Variants in IDO2 observed in about 807,000 individuals in gnomAD.
The protein encoded by IDO2 is indoleamine 2,3-dioxygenase-like 1 protein.
Under a neutral mutation model 45.1 loss-of-function variants are expected in IDO2, and 46 were observed. The ratio of observed to expected loss-of-function variants is 1.02; its 90% CI spans 0.80 to 1.30. The LOEUF is 1.30. IDO2 is among the 50% of genes most tolerant of loss of function. IDO2 has a pLI of 0.00. For synonymous variants in IDO2, 218 were observed against 184.9 expected (o/e 1.18, Z -1.45); for missense variants, 544 against 491.8 (o/e 1.11, Z -1.00).
intron 8 of IDO2, among the ~76,000 whole-genome samples, chr8:40,001,044 G>C (rs1802127472): frequency 6.6e-6 from 1 of 151,970 alleles, no homozygotes; most frequent in Admixed American, 6.6e-5. Flanking sequence ...GCCCAGGCTG[G>C]TCTTGAACTC....
At chr8:40,015,746 T>C in exon 11 of IDO2, 1 of 640,382 alleles carries the variant, frequency 1.6e-6, no homozygotes, top group African/African-American at 1.8e-5. Flanking sequence ...TATATTCTCC[T>C]TGTTGAGAGC....
chr8:40,015,689 TC>T, exon 11 of IDO2: 1 of 924,582 alleles, frequency 1.1e-6, no homozygotes, highest in Non-Finnish European at 1.7e-6. Flanking sequence ...CCTGGGATCA[TC>T]CAGGAAGGAT....
intron 2 of IDO2, among the ~76,000 whole-genome samples, chr8:39,960,306 G>T (rs1807972066): frequency 6.8e-6 from 1 of 146,966 alleles, no homozygotes; most frequent in Non-Finnish European, 1.5e-5. Context: ...CATAAAAAGT[G>T]AACTCCTTTA....
chr8:40,009,041 G>A (rs560701084), intron 9 of IDO2, among the ~76,000 whole-genome samples: 2 of 151,868 alleles, frequency 1.3e-5, no homozygotes, highest in Non-Finnish European at 1.5e-5. Flanking sequence ...TTAGATGGAG[G>A]TCTCGCTTTG....
At chr8:39,979,020 C>T (rs1182193256) in intron 3 of IDO2, 47 bp from the exon 4 acceptor site, 1 of 1,550,088 alleles carries the variant, frequency 6.5e-7, no homozygotes, top group Non-Finnish European at 8.7e-7. Flanking sequence ...CCTCCCCTGT[C>T]CCGGTTCCCA....
chr8:39,999,332 T>G (rs1433120769), intron 8 of IDO2, among the ~76,000 whole-genome samples: 1 of 141,450 alleles, frequency 7.1e-6, no homozygotes, highest in Non-Finnish European at 1.5e-5. Context: ...CAGGCTGGAG[T>G]GCAGTGGTGC....
chr8:39,947,912 C>T (rs535911363), intron 1 of IDO2, among the ~76,000 whole-genome samples: 9 of 152,092 alleles, frequency 5.9e-5, no homozygotes, highest in African/African-American at 1.2e-4. Context: ...CTCAGCCTCC[C>T]GAGTAGCTGG....
chr8:39,991,760 G>C (rs933506637), intron 8 of IDO2, among the ~76,000 whole-genome samples: 2 of 152,128 alleles, frequency 1.3e-5, no homozygotes, highest in Admixed American at 1.3e-4. Context: ...TAGTAGAGAT[G>C]GGGTTTCGCC....
chr8:39,994,456 C>T (rs1382387772), intron 8 of IDO2, among the ~76,000 whole-genome samples: 3 of 152,088 alleles, frequency 2.0e-5, no homozygotes, highest in Non-Finnish European at 1.5e-5. Flanking sequence ...GGGCTTTCTC[C>T]ATGTTGGTCA....
At chr8:39,998,435 G>T (rs888444) in intron 8 of IDO2, 111,755 of 151,912 alleles carry the variant, frequency 0.74, 41,346 homozygotes, top group East Asian at 0.92. Flanking sequence ...ACTCCTCCAG[G>T]GCAGTCTTCG....
chr8:39,992,404 G>C (rs1270224628), intron 8 of IDO2, among the ~76,000 whole-genome samples: 1 of 152,084 alleles, frequency 6.6e-6, no homozygotes, highest in Non-Finnish European at 1.5e-5. Flanking sequence ...ATGGTTCTAG[G>C]CTCCCATCCC....
At chr8:40,009,273 C>T (rs1374857645) in intron 9 of IDO2, among the ~76,000 whole-genome samples, 1 of 152,114 alleles carries the variant, frequency 6.6e-6, no homozygotes. Context: ...CCTTGGTCCC[C>T]CAAAGTGCTG....
At chr8:40,013,868 T>C (rs1213104641) in intron 10 of IDO2, among the ~76,000 whole-genome samples, 155 bp downstream of exon 10, 1 of 152,178 alleles carries the variant, frequency 6.6e-6, no homozygotes, top group Non-Finnish European at 1.5e-5. Flanking sequence ...GCCAATGTTT[T>C]TGTGTCAAGC....
chr8:39,948,559 C>T (rs1807772242), intron 1 of IDO2, among the ~76,000 whole-genome samples: 1 of 152,216 alleles, frequency 6.6e-6, no homozygotes, highest in Admixed American at 6.5e-5. Context: ...TACTTATAAA[C>T]TGTCCTGGAT....
intron 8 of IDO2, among the ~76,000 whole-genome samples, chr8:39,996,480 C>T (rs986765239): frequency 6.6e-6 from 1 of 152,186 alleles, no homozygotes; most frequent in African/African-American, 2.4e-5. Context: ...CCTTACCCTG[C>T]CCCTTGCCTT....
chr8:40,013,854 G>A (rs1802346701), intron 10 of IDO2, 141 bp downstream of exon 10: 2 of 615,364 alleles, frequency 3.3e-6, no homozygotes, highest in South Asian at 3.0e-5. Context: ...GAAACTGCAT[G>A]ACTGCCAATG....
chr8:39,966,889 C>T (rs1001054820), intron 3 of IDO2, among the ~76,000 whole-genome samples: 9 of 152,194 alleles, frequency 5.9e-5, no homozygotes, highest in East Asian at 1.9e-4. Flanking sequence ...GCCCACTTGG[C>T]ATTCAGGACC....
In IDO2 at chr8:39,966,026, CTTTTT is replaced by C. The variant is rs59731560; in HGVS notation, c.195+2339_195+2343del. The stretch of plus-strand genomic sequence containing the variant: ...ACAACACTCTTGGTCTCTATCGCTT[CTTTTT>C]TTTTTTTTTTTTTTTGAGACAGAGT... On this transcript the variant is annotated intron_variant, in intron 3 of 10. Coordinates refer to ENST00000502986, the Ensembl canonical transcript of IDO2. 3.8e-3 allele frequency among the ~76,000 whole-genome samples: 365 copies of C among 96,550 alleles called. 1 individual carries two copies. The highest frequency in any genetic ancestry group is 5.8e-3 in the East Asian group (19 of 3,264). 63.3% of individuals were successfully genotyped at this position (96,550 alleles called of 152,430 possible).
chr8:39,988,077 C>G, intron 7 of IDO2, 107 bp downstream of exon 7: 1 of 639,720 alleles, frequency 1.6e-6, no homozygotes, highest in Non-Finnish European at 2.8e-6. Context: ...GAACATAGAC[C>G]TTGTCCTGCT....
Sources: gnomAD v4.1 joint callset for allele counts (sites outside exome capture counted in the v4.1 genomes callset) on GRCh38, gnomAD v4.1.1 for gene constraint, MANE v1.5 for transcripts, NCBI Gene and HGNC (gene_info 2026-07-23, HGNC 2026-07-21) for gene names.